LOC128462377: variants seen among roughly 807,000 people sequenced by gnomAD.
At chr16:89,337,947 G>C in the LOC128462377 span, among the ~76,000 whole-genome samples, 5 of 152,190 alleles carry the variant, frequency 3.3e-5, no homozygotes, top group Non-Finnish European at 5.9e-5. Context: ...TGCTGAGCAT[G>C]AGGGTCCAGC....
At chr16:89,320,721 G>A in the LOC128462377 span, among the ~76,000 whole-genome samples, 2 of 152,204 alleles carry the variant, frequency 1.3e-5, no homozygotes, top group African/African-American at 2.4e-5. Context: ...TGGCAGCCCC[G>A]CATCTGTGCC....
At chr16:89,386,345 C>T in the LOC128462377 span, among the ~76,000 whole-genome samples, 72 of 152,222 alleles carry the variant, frequency 4.7e-4, no homozygotes, top group African/African-American at 1.7e-3. Flanking sequence ...GCAGCACGAC[C>T]AATTCCCAAC....
the LOC128462377 span, among the ~76,000 whole-genome samples, chr16:89,394,596 C>A: frequency 6.6e-6 from 1 of 151,336 alleles, no homozygotes; most frequent in Non-Finnish European, 1.5e-5. Flanking sequence ...CCACTGCACT[C>A]CAGCCTGGGC....
chr16:89,387,894 C>G, the LOC128462377 span, among the ~76,000 whole-genome samples: 1 of 150,102 alleles, frequency 6.7e-6, no homozygotes, highest in Non-Finnish European at 1.5e-5. Context: ...CGGGTCTCCC[C>G]AACTACTGGG....
the LOC128462377 span, among the ~76,000 whole-genome samples, chr16:89,380,559 A>AC: frequency 0.59 from 89,942 of 152,098 alleles, 26,835 homozygotes; most frequent in Middle Eastern, 0.76. Context: ...CAGCCCCAGG[A>AC]CCTGCCCGCT....
the LOC128462377 span, among the ~76,000 whole-genome samples, chr16:89,393,424 A>AG: frequency 1.3e-5 from 2 of 151,254 alleles, no homozygotes; most frequent in Non-Finnish European, 2.9e-5. Context: ...CCTGAGTTCA[A>AG]GCAATTCTCC....
chr16:89,331,920 T>A, the LOC128462377 span, among the ~76,000 whole-genome samples: 1 of 152,206 alleles, frequency 6.6e-6, no homozygotes, highest in Non-Finnish European at 1.5e-5. Flanking sequence ...GGGCCCCACA[T>A]GCTGGGAACC....
chr16:89,410,707 C>T, the LOC128462377 span, among the ~76,000 whole-genome samples: 249 of 152,340 alleles, frequency 1.6e-3, 1 homozygote, highest in African/African-American at 5.1e-3. Flanking sequence ...AAAACGTCAA[C>T]GATACCAAAA....
chr16:89,394,385 T>G, the LOC128462377 span, among the ~76,000 whole-genome samples: 1 of 152,160 alleles, frequency 6.6e-6, no homozygotes. Flanking sequence ...TCCCAGCACT[T>G]TGGGAGGCCA....
At chr16:89,386,653 A>T in the LOC128462377 span, among the ~76,000 whole-genome samples, 3 of 152,260 alleles carry the variant, frequency 2.0e-5, no homozygotes, top group Admixed American at 2.0e-4. Flanking sequence ...CTTCTCGTCC[A>T]GGAAACTTGA....
At chr16:89,372,528 C>A in the LOC128462377 span, among the ~76,000 whole-genome samples, 1 of 152,078 alleles carries the variant, frequency 6.6e-6, no homozygotes, top group African/African-American at 2.4e-5. Context: ...AGAGACGCCA[C>A]TGAAACATGA....
chr16:89,351,476 T>C, the LOC128462377 span, among the ~76,000 whole-genome samples: 58 of 152,194 alleles, frequency 3.8e-4, no homozygotes, highest in Non-Finnish European at 3.1e-4. Flanking sequence ...AAATAACTGA[T>C]TCTCATTTCA....
the LOC128462377 span, among the ~76,000 whole-genome samples, chr16:89,397,193 G>A: frequency 2.0e-5 from 3 of 152,122 alleles, no homozygotes; most frequent in South Asian, 2.1e-4. Context: ...GTCCAACGGC[G>A]TCTCACAGTC....
chr16:89,350,860 G>A, the LOC128462377 span, among the ~76,000 whole-genome samples: 3 of 152,138 alleles, frequency 2.0e-5, no homozygotes. Context: ...TAATGGAGTG[G>A]AACGGGTCCC....
chr16:89,407,825 G>T, the LOC128462377 span, among the ~76,000 whole-genome samples: 1 of 135,044 alleles, frequency 7.4e-6, no homozygotes, highest in Non-Finnish European at 1.5e-5. Context: ...ACTCCCACCT[G>T]AGTGAGAGTC....
the LOC128462377 span, among the ~76,000 whole-genome samples, chr16:89,403,313 CT>C: frequency 6.6e-6 from 1 of 152,192 alleles, no homozygotes; most frequent in African/African-American, 2.4e-5. Context: ...CTGCTCCCCC[CT>C]CCTGACCGGC....
chr16:89,355,318 G>T, the LOC128462377 span, among the ~76,000 whole-genome samples: 4 of 152,122 alleles, frequency 2.6e-5, no homozygotes, highest in Admixed American at 2.6e-4. Context: ...GGCTCACACA[G>T]ACCCACAAGG....
At chr16:89,351,663 C>T in the LOC128462377 span, among the ~76,000 whole-genome samples, 3 of 152,118 alleles carry the variant, frequency 2.0e-5, no homozygotes, top group Non-Finnish European at 4.4e-5. Context: ...GGCGCAGGTT[C>T]GTGTCATGCC....
the LOC128462377 span, among the ~76,000 whole-genome samples, chr16:89,363,292 C>T: frequency 1.3e-5 from 2 of 152,062 alleles, no homozygotes; most frequent in Admixed American, 6.5e-5. Context: ...CTGTATTTGA[C>T]GGTGCATGCG....
Sources: gnomAD v4.1 joint callset for allele counts (sites outside exome capture counted in the v4.1 genomes callset) on GRCh38, gnomAD v4.1.1 for gene constraint, MANE v1.5 for transcripts.